FOXK2: variants seen among roughly 807,000 people sequenced by gnomAD.
FOXK2 encodes forkhead box K2, also known as forkhead box protein K2.
FOXK2 carries 24 observed loss-of-function variants against 53.3 expected under a neutral mutation model. That is an observed-to-expected ratio of 0.45 (90% CI 0.33 to 0.63). The LOEUF (loss-of-function observed/expected upper bound fraction) is 0.63, where lower values mean the gene tolerates loss of function less well. Among genes scored for constraint, FOXK2 ranks in the 30% least tolerant of loss-of-function variants. FOXK2 has a pLI of 0.03. For missense variants in FOXK2, 952 were observed against 910.5 expected (o/e 1.05, Z -0.59); for synonymous variants, 505 against 407.1 (o/e 1.24, Z -2.89).
In FOXK2 at chr17:82,571,709, G is replaced by C. The variant is rs979910428; in HGVS notation, c.763-15G>C. ...TAACTTCAATATTCGTTTTGTGTTT[G>C]TTTTTTAAATACAGGATGATTCAAA... On this transcript the variant is annotated splice_polypyrimidine_tract_variant and intron_variant, in intron 3 of 8. Transcript: ENST00000335255. 2.0e-6 allele frequency: 3 copies of C among 1,502,492 alleles called. No homozygotes were observed. The East Asian group carries it at 7.6e-5, about 38-fold the overall frequency. 93.1% of individuals were successfully genotyped at this position (1,502,492 alleles called of 1,614,324 possible).
chr17:82,543,166 T>A (rs1361929824), intron 1 of FOXK2, among the ~76,000 whole-genome samples: 1 of 125,672 alleles, frequency 8.0e-6, no homozygotes, highest in African/African-American at 2.9e-5. Flanking sequence ...GTCTTAAAAC[T>A]GTTATCTAAA....
chr17:82,541,416 GCGCCC>G, intron 1 of FOXK2, among the ~76,000 whole-genome samples: 1 of 152,022 alleles, frequency 6.6e-6, no homozygotes, highest in South Asian at 2.1e-4. Context: ...GGGATTACAG[GCGCCC>G]GCCATCACGC....
chr17:82,556,260 A>G (rs1454168827), intron 1 of FOXK2, among the ~76,000 whole-genome samples: 1 of 152,116 alleles, frequency 6.6e-6, no homozygotes, highest in African/African-American at 2.4e-5. Context: ...CCTGGACAAC[A>G]TGGTGAAACC....
chr17:82,584,308 A>G, intron 6 of FOXK2, 120 bp downstream of exon 6: 1 of 1,042,288 alleles, frequency 9.6e-7, no homozygotes, highest in Non-Finnish European at 1.3e-6. Context: ...ACCTTATACT[A>G]GTACCTGATT....
At chr17:82,521,447 C>CA (rs1051142069) in intron 1 of FOXK2, among the ~76,000 whole-genome samples, 1 of 151,156 alleles carries the variant, frequency 6.6e-6, no homozygotes, top group African/African-American at 2.4e-5. Context: ...GCTGGGATTA[C>CA]AGGCGTGAGC....
intron 8 of FOXK2, among the ~76,000 whole-genome samples, chr17:82,598,418 G>A (rs959259974): frequency 1.3e-5 from 2 of 152,170 alleles, no homozygotes; most frequent in Non-Finnish European, 2.9e-5. Context: ...GGGTCATCCA[G>A]TCAACTTGAG....
At position 82,586,098 on chromosome 17, in the gene FOXK2, A is replaced by G; in HGVS notation, c.1474A>G (p.Asn492Asp). Residue 492 changes from asparagine (N) to aspartate (D), a missense_variant, in exon 7 of 9, where the codon AAC becomes GAC. By Grantham distance (23) the Asn-to-Asp change is conservative (BLOSUM62 1). Coordinates refer to ENST00000335255, the MANE Select transcript of FOXK2 (RefSeq NM_004514.4). Reference sequence around the variant, plus strand: ...CAGTGTGGCCGGACTGGCCCCAGCGAACACGTACACTGTCTCTGGACAAGC... The same window carrying G: ...CAGTGTGGCCGGACTGGCCCCAGCGGACACGTACACTGTCTCTGGACAAGC... ...VTSVAGLAPA[N>D]TYTVSGQAVV... The G allele has an allele frequency of 6.2e-7, 1 of 1,612,716 alleles. No homozygotes were observed. Among genetic ancestry groups the G allele is most frequent in the Non-Finnish European group, 8.5e-7 (1 of 1,179,952 alleles).
chr17:82,579,136 A>G (rs1248588266), intron 4 of FOXK2, among the ~76,000 whole-genome samples: 1 of 152,116 alleles, frequency 6.6e-6, no homozygotes, highest in Non-Finnish European at 1.5e-5. Flanking sequence ...AGTGGCTGGG[A>G]TTGCCATTTG....
intron 1 of FOXK2, among the ~76,000 whole-genome samples, chr17:82,546,766 C>G (rs975134051): frequency 2.0e-5 from 3 of 151,992 alleles, no homozygotes; most frequent in African/African-American, 7.2e-5. Flanking sequence ...TGAGCCCAAC[C>G]TAAAACTCGC....
Position 82,568,192 on chromosome 17 carries a change from C to T in FOXK2, c.753C>T (p.Asp251=), listed in dbSNP as rs1456914031. ...PENEKEASGG[D]SPKDDSKPPY... ...ATGAAAAGGAAGCTTCAGGTGGAGACAGCCCGAAGGTAAAGGCTTTGTAGC... is the reference window on the plus strand; with the variant it reads ...ATGAAAAGGAAGCTTCAGGTGGAGATAGCCCGAAGGTAAAGGCTTTGTAGC... The change falls in exon 3 of 9, where the codon GAC becomes GAT. Residue 251 remains aspartate, a synonymous_variant. Coordinates refer to ENST00000335255, the MANE Select transcript of FOXK2 (RefSeq NM_004514.4). 8 of 1,612,450 alleles carry T rather than the reference C, an allele frequency of 5.0e-6. No individual in the cohort carries two copies. Among genetic ancestry groups the T allele is most frequent in the Non-Finnish European group, 5.9e-6 (7 of 1,179,926 alleles).
At chr17:82,573,600 A>ACC (rs1598220130) in intron 4 of FOXK2, among the ~76,000 whole-genome samples, 1 of 146,794 alleles carries the variant, frequency 6.8e-6, no homozygotes, top group African/African-American at 2.5e-5. Context: ...ACACACACAC[A>ACC]ACCAGATAAT....
chr17:82,528,605 G>A (rs1599877643), intron 1 of FOXK2, among the ~76,000 whole-genome samples: 1 of 152,172 alleles, frequency 6.6e-6, no homozygotes. Context: ...TGTGAAGCGG[G>A]CTTTGAGCAC....
chr17:82,596,764 CGG>C (rs2045317866), intron 8 of FOXK2, among the ~76,000 whole-genome samples: 1 of 152,200 alleles, frequency 6.6e-6, no homozygotes, highest in African/African-American at 2.4e-5. Flanking sequence ...GCAGAGCTGG[CGG>C]AGCCCCTCTT....
chr17:82,599,094 CTTCT>C (rs1390878295), intron 8 of FOXK2: 10 of 144,414 alleles, frequency 6.9e-5, no homozygotes, highest in South Asian at 4.6e-4. Context: ...AGCTGAGCAG[CTTCT>C]TTTTTTTTTT....
intron 1 of FOXK2, among the ~76,000 whole-genome samples, chr17:82,531,931 C>G (rs937425028): frequency 1.3e-5 from 2 of 152,118 alleles, no homozygotes; most frequent in Non-Finnish European, 2.9e-5. Context: ...ACGTCTGCCT[C>G]CCAGGTTCAA....
At chr17:82,594,261 G>A (rs2045285939) in intron 8 of FOXK2, among the ~76,000 whole-genome samples, 1 of 152,220 alleles carries the variant, frequency 6.6e-6, no homozygotes, top group Non-Finnish European at 1.5e-5. Context: ...CACTTTGGGA[G>A]GCCGAGGCGG....
Position 82,588,778 on chromosome 17 carries a change from T to C in FOXK2, c.1786+1506T>C, listed in dbSNP as rs926415138. Among the ~76,000 whole-genome samples the C allele has an allele frequency of 2.0e-5, 3 of 151,646 alleles. No individual in the cohort carries two copies. The East Asian group carries it at 5.8e-4, about 29-fold the overall frequency. ...TGAAAAACCGTATCCCTGCCTGGTA[T>C]AGTGCCTCACGCCTGTAATCCCAGC... is the stretch of plus-strand genomic sequence containing the variant. On this transcript the variant is annotated intron_variant, in intron 8 of 8. Coordinates refer to ENST00000335255, the MANE Select transcript of FOXK2 (RefSeq NM_004514.4).
At chr17:82,577,171 A>G in intron 4 of FOXK2, 1 of 946,880 alleles carries the variant, frequency 1.1e-6, no homozygotes, top group Non-Finnish European at 1.6e-6. Flanking sequence ...TCAAAAAAAG[A>G]AAAAGAAAAA....
intron 8 of FOXK2, 104 bp downstream of exon 8, chr17:82,587,376 C>A: frequency 1.1e-6 from 1 of 883,734 alleles, no homozygotes; most frequent in Non-Finnish European, 1.8e-6. Flanking sequence ...TAGCTTTTGT[C>A]TGAGGCAATG....
Sources: allele counts gnomAD v4.1 joint callset (sites outside exome capture counted in the v4.1 genomes callset), GRCh38; gene constraint gnomAD v4.1.1; transcripts MANE v1.5; gene names NCBI Gene and HGNC (gene_info 2026-07-23, HGNC 2026-07-21).